Variants in RIMS2 observed in about 807,000 individuals in gnomAD.
The protein encoded by RIMS2 is regulating synaptic membrane exocytosis 2.
Under a neutral mutation model 174.4 loss-of-function variants are expected in RIMS2, and 59 were observed. That is an observed-to-expected ratio of 0.34 (90% confidence interval 0.27 to 0.42). The LOEUF (loss-of-function observed/expected upper bound fraction) is 0.42. Among genes scored for constraint, RIMS2 ranks in the 10% least tolerant of loss-of-function variants. The pLI, the probability that RIMS2 is intolerant of heterozygous loss-of-function variation, is 1.00. For synonymous variants in RIMS2, 606 were observed against 572.5 expected, an observed-to-expected ratio of 1.06 and a Z score of -0.84; for missense variants, 1,620 against 1,666.3, an observed-to-expected ratio of 0.97 and a Z score of 0.48.
chr8:103,879,672 G>C (rs1208980534), intron 3 of RIMS2, among the ~76,000 whole-genome samples: 1 of 151,492 alleles, frequency 6.6e-6, no homozygotes, highest in Non-Finnish European at 1.5e-5. Flanking sequence ...TAGTGGAATG[G>C]TACTACCATA....
intron 15 of RIMS2, among the ~76,000 whole-genome samples, chr8:103,968,126 G>T (rs1565586741): frequency 2.0e-5 from 3 of 152,086 alleles, no homozygotes; most frequent in Admixed American, 6.5e-5. Context: ...CTCCCAAAGT[G>T]CTGGGATTAC....
At chr8:103,814,510 T>G (rs2098707143) in intron 3 of RIMS2, among the ~76,000 whole-genome samples, 1 of 152,162 alleles carries the variant, frequency 6.6e-6, no homozygotes, top group Non-Finnish European at 1.5e-5. Context: ...TTTTGGTTGC[T>G]CTTGTCATTT....
chr8:104,090,078 T>TATATAC (rs568900101), intron 19 of RIMS2, among the ~76,000 whole-genome samples: 7 of 150,590 alleles, frequency 4.6e-5, no homozygotes, highest in Admixed American at 2.0e-4. Context: ...TATATATATA[T>TATATAC]ACACACACAC....
At chr8:103,544,706 C>G (rs774463787) in intron 1 of RIMS2, among the ~76,000 whole-genome samples, 9 of 152,146 alleles carry the variant, frequency 5.9e-5, no homozygotes, top group Admixed American at 5.9e-4. Context: ...CAACTGTGGC[C>G]CCTGCCTGAG....
intron 1 of RIMS2, among the ~76,000 whole-genome samples, chr8:103,529,649 G>A (rs141210959): frequency 0.019 from 2,938 of 152,218 alleles, 33 homozygotes; most frequent in Non-Finnish European, 0.029. Flanking sequence ...CCCACTGTCC[G>A]ACAAGCCCCA....
chr8:103,754,063 T>C (rs1012358359), intron 2 of RIMS2, among the ~76,000 whole-genome samples: 1 of 152,208 alleles, frequency 6.6e-6, no homozygotes, highest in African/African-American at 2.4e-5. Flanking sequence ...CTTGTGGGCA[T>C]TTAGTGCTAT....
intron 19 of RIMS2, 21 bp downstream of exon 23, chr8:104,068,633 A>G: frequency 1.7e-6 from 2 of 1,206,252 alleles, no homozygotes; most frequent in Non-Finnish European, 1.2e-6. Flanking sequence ...TTTCTTTTTA[A>G]AAGTTGTAAA....
Position 103,794,648 on chromosome 8 carries a change from C to A in RIMS2, c.698+28111C>A, listed in dbSNP as rs183135791. Among the ~76,000 whole-genome samples the A allele has an allele frequency of 1.9e-3, 294 of 152,236 alleles. 2 individuals carry two copies. The highest frequency in any genetic ancestry group is 6.8e-3 in the African/African-American group (283 of 41,530). ...AACCACCATCAGAGTGAAGAGGCAA[C>A]CTACAGAATGGGAGAAAATTTTTAT... On this transcript the variant is annotated intron_variant, in intron 3 of 23. Transcript: ENST00000504942.
chr8:103,913,458 G>A (rs1209706894), intron 6 of RIMS2, among the ~76,000 whole-genome samples: 2 of 152,066 alleles, frequency 1.3e-5, no homozygotes, highest in African/African-American at 4.8e-5. Flanking sequence ...AAATGTTTTA[G>A]AGCTAAGCCA....
At chr8:103,658,618 C>T (rs13438794) in intron 1 of RIMS2, among the ~76,000 whole-genome samples, 1,767 of 152,070 alleles carry the variant, frequency 0.012, 32 homozygotes, top group African/African-American at 0.039. Context: ...ATTTTCAAGC[C>T]CAGGGAAAAT....
At chr8:104,202,926 C>T (rs1219262647) in intron 19 of RIMS2, among the ~76,000 whole-genome samples, 1 of 152,162 alleles carries the variant, frequency 6.6e-6, no homozygotes, top group East Asian at 1.9e-4. Flanking sequence ...AGGATAGTGT[C>T]TCCACTTAAA....
intron 16 of RIMS2, among the ~76,000 whole-genome samples, chr8:103,983,172 G>T (rs1309101005): frequency 6.6e-6 from 1 of 152,206 alleles, no homozygotes; most frequent in Middle Eastern, 3.4e-3. Context: ...TAAATACCTA[G>T]AAATTGACTT....
intron 1 of RIMS2, among the ~76,000 whole-genome samples, chr8:103,660,102 C>T (rs1377662802): frequency 6.6e-6 from 1 of 152,208 alleles, no homozygotes; most frequent in East Asian, 1.9e-4. Flanking sequence ...CTGCCGTGTC[C>T]TCAGTGAGCT....
At chr8:103,978,876 A>C (rs1370416963) in intron 16 of RIMS2, among the ~76,000 whole-genome samples, 1 of 152,192 alleles carries the variant, frequency 6.6e-6, no homozygotes, top group Non-Finnish European at 1.5e-5. Context: ...TTGTATATAT[A>C]TCTTTTTGTG....
chr8:103,591,547 G>C (rs1410737643), intron 1 of RIMS2, among the ~76,000 whole-genome samples: 1 of 151,024 alleles, frequency 6.6e-6, no homozygotes, highest in Non-Finnish European at 1.5e-5. Context: ...TAACTTTTAT[G>C]TTTAGGTCTA....
intron 1 of RIMS2, among the ~76,000 whole-genome samples, chr8:103,681,358 A>G (rs2096878202): frequency 6.6e-6 from 1 of 152,072 alleles, no homozygotes; most frequent in Non-Finnish European, 1.5e-5. Flanking sequence ...AATAAATGGA[A>G]ATAAGTAAAT....
intron 19 of RIMS2, among the ~76,000 whole-genome samples, chr8:104,136,935 C>T (rs2098525778): frequency 6.6e-6 from 1 of 151,802 alleles, no homozygotes; most frequent in Admixed American, 6.6e-5. Flanking sequence ...GCACTTGTAC[C>T]CCGGATTTAA....
chr8:104,132,678 C>A (rs1450659336), intron 19 of RIMS2, among the ~76,000 whole-genome samples: 1 of 152,142 alleles, frequency 6.6e-6, no homozygotes, highest in Non-Finnish European at 1.5e-5. Flanking sequence ...CGTATCATAC[C>A]TGTACGGTAA....
intron 13 of RIMS2, among the ~76,000 whole-genome samples, chr8:103,939,533 C>A (rs1383040018): frequency 1.3e-5 from 2 of 152,232 alleles, no homozygotes; most frequent in Non-Finnish European, 2.9e-5. Context: ...GTGAAGACCT[C>A]TGACATGCCC....
Sources: gnomAD v4.1 joint callset for allele counts (sites outside exome capture counted in the v4.1 genomes callset) on GRCh38, gnomAD v4.1.1 for gene constraint, MANE v1.5 for transcripts, NCBI Gene and HGNC (gene_info 2026-07-23, HGNC 2026-07-21) for gene names.